The following C5orf22 variants were observed in gnomAD, a reference collection of about 807,000 sequenced individuals.
C5orf22 encodes the protein UPF0489 protein C5orf22.
In C5orf22, 36 loss-of-function variants were observed where a neutral mutation model predicts 48.7. The ratio of observed to expected loss-of-function variants is 0.74; its 90% CI spans 0.57 to 0.98. The LOEUF (loss-of-function observed/expected upper bound fraction) is 0.98. C5orf22 is among the 50% of genes least tolerant of loss of function. C5orf22 has a pLI of 0.00. For missense variants in C5orf22, 486 were observed against 521.9 expected, an observed-to-expected ratio of 0.93 and a Z score of 0.67; for synonymous variants, 141 against 180.8, an observed-to-expected ratio of 0.78 and a Z score of 1.76.
In C5orf22 at chr5:31,538,509, G is replaced by C. The variant is rs145324653; in HGVS notation, c.627G>C (p.Gln209His). 1.2e-6 allele frequency: 2 copies of C among 1,614,190 alleles called. No homozygotes were observed. The highest frequency in any genetic ancestry group is 1.7e-6 in the Non-Finnish European group (2 of 1,180,022). Residue 209 changes from glutamine (Q) to histidine (H), a missense_variant, in exon 4 of 9, where the codon CAG (glutamine) becomes CAC (histidine). Transcript: ENST00000325366. The stretch of plus-strand genomic sequence containing the variant: ...GACTGGAAAAGGACACAGCAACACA[G>C]AGAAGTGACCAGACTTGCCTAGAAC... The part of the protein sequence containing the change: ...SEGLEKDTAT[Q>H]RSDQTCLEPS...
rs773093925 is a variant in C5orf22 at position 31,532,331 on chromosome 5, C to A, written c.-62C>A. The stretch of plus-strand genomic sequence containing the variant: ...GAGAGAGCTGGCCGGGATGAGGCGC[C>A]GGCTTTCCCGGGTCTTCTCCAGCTG... On this transcript the variant is annotated 5_prime_UTR_variant, in exon 1 of 9. Transcript: ENST00000325366. 194 of 1,565,278 alleles carry A rather than the reference C, an allele frequency of 1.2e-4. No individual in the cohort carries two copies. Among genetic ancestry groups the A allele is most frequent in the Admixed American group, 8.2e-4 (49 of 59,880 alleles).
intron 4 of C5orf22, among the ~76,000 whole-genome samples, chr5:31,538,915 A>C (rs570549483): frequency 6.6e-6 from 1 of 152,338 alleles, no homozygotes; most frequent in South Asian, 2.1e-4. Flanking sequence ...GTGGATTGCC[A>C]ACTCCTGCTC....
intron 7 of C5orf22, among the ~76,000 whole-genome samples, chr5:31,549,273 T>C (rs1044822021): frequency 3.9e-5 from 6 of 152,052 alleles, no homozygotes; most frequent in Non-Finnish European, 8.8e-5. Flanking sequence ...TTCGCTATCA[T>C]GAGAACAGTG....
At chr5:31,535,037 T>C (rs1484368048) in intron 2 of C5orf22, 1 of 453,272 alleles carries the variant, frequency 2.2e-6, no homozygotes, top group African/African-American at 2.0e-5. Context: ...ATGATGAAGA[T>C]TCAGGCTTTC....
At chr5:31,544,974 ATTT>A (rs11335471) in intron 6 of C5orf22, among the ~76,000 whole-genome samples, 56 of 142,502 alleles carry the variant, frequency 3.9e-4, no homozygotes, top group African/African-American at 4.9e-4. Context: ...CGTGTCCTTA[ATTT>A]TTTTTTTTTT....
chr5:31,535,003 C>T, intron 2 of C5orf22: 1 of 454,690 alleles, frequency 2.2e-6, no homozygotes. Context: ...AGTCCATTGC[C>T]ATATGCTGTT....
At chr5:31,545,038 CTT>C (rs1742767574) in intron 6 of C5orf22, among the ~76,000 whole-genome samples, 2 of 147,484 alleles carry the variant, frequency 1.4e-5, no homozygotes, top group South Asian at 4.3e-4. Context: ...GCTAAAAACA[CTT>C]AGTTTTCTTG....
At chr5:31,550,972 T>A (rs1743219534) in intron 7 of C5orf22, among the ~76,000 whole-genome samples, 3 of 152,214 alleles carry the variant, frequency 2.0e-5, no homozygotes, top group Non-Finnish European at 4.4e-5. Flanking sequence ...AAGAGGCATC[T>A]GGCCCAGACA....
chr5:31,534,595 T>G, intron 2 of C5orf22, 178 bp downstream of exon 2: 1 of 597,092 alleles, frequency 1.7e-6, no homozygotes, highest in Non-Finnish European at 2.9e-6. Context: ...AGAGCCAGAT[T>G]AGCAAATATT....
chr5:31,533,372 A>G (rs982312321), intron 1 of C5orf22, among the ~76,000 whole-genome samples: 6 of 152,194 alleles, frequency 3.9e-5, no homozygotes, highest in African/African-American at 1.4e-4. Flanking sequence ...GTCTTAATCT[A>G]GACTTTTCCA....
chr5:31,533,386 C>T (rs1308906004), intron 1 of C5orf22, among the ~76,000 whole-genome samples: 1 of 152,022 alleles, frequency 6.6e-6, no homozygotes, highest in Non-Finnish European at 1.5e-5. Flanking sequence ...TTTTCCAAGT[C>T]AACAAAGGAG....
chr5:31,544,309 C>T (rs764986964), intron 6 of C5orf22, among the ~76,000 whole-genome samples: 1 of 152,168 alleles, frequency 6.6e-6, no homozygotes, highest in Admixed American at 6.5e-5. Flanking sequence ...TGTGGCCGGG[C>T]GCGATGGCTC....
intron 7 of C5orf22, among the ~76,000 whole-genome samples, chr5:31,548,037 C>T (rs1743004471): frequency 6.6e-6 from 1 of 152,190 alleles, no homozygotes. Flanking sequence ...CACAGTGGTT[C>T]ACGCCTATAA....
At position 31,538,332 on chromosome 5, in the gene C5orf22, A is replaced by G. The variant is rs1316128751; in HGVS notation, c.450A>G (p.Lys150=). Residue 150 remains lysine, a synonymous_variant, in exon 4 of 9, where the codon AAA becomes AAG. Coordinates refer to ENST00000325366, the MANE Select transcript of C5orf22 (RefSeq NM_018356.3). ...YVPEDQLENQ[K]PLQLDVIMVK... is the part of the protein sequence containing the mutation. ...CTGAAGACCAGCTAGAGAACCAAAA[A>G]CCTTTACAATTGGATGTAATTATGG... 1.2e-6 allele frequency: 2 copies of G among 1,613,904 alleles called. No homozygotes were observed. Among genetic ancestry groups the G allele is most frequent in the African/African-American group, 2.7e-5 (2 of 74,908 alleles).
intron 4 of C5orf22, 27 bp downstream of exon 4, chr5:31,538,716 G>C (rs1742268582): frequency 6.6e-7 from 1 of 1,520,194 alleles, no homozygotes; most frequent in Non-Finnish European, 9.0e-7. Flanking sequence ...TTAACACATA[G>C]ATCTTGAGAA....
intron 3 of C5orf22, among the ~76,000 whole-genome samples, chr5:31,536,247 G>A (rs775260855): frequency 4.6e-5 from 7 of 152,154 alleles, no homozygotes; most frequent in African/African-American, 7.2e-5. Flanking sequence ...TGAATTTGCC[G>A]CAGTGGCTCA....
At chr5:31,548,447 C>T (rs1743032356) in intron 7 of C5orf22, 1 of 346,280 alleles carries the variant, frequency 2.9e-6, no homozygotes, top group Admixed American at 3.3e-5. Flanking sequence ...AAAATGCCAC[C>T]AGTCTCTTTG....
rs1371105781 is a variant in C5orf22 at position 31,541,326 on chromosome 5, G to A, written c.916G>A (p.Asp306Asn). ...TGATACTCGAATTCATCAATTAGAG[G>A]ATTTAGAAGCCACTTTCGCTGATTT... ...IVDTRIHQLEDLEATFADLCD... is the reference protein window; with the variant it reads ...IVDTRIHQLENLEATFADLCD... Residue 306 changes from aspartate (D) to asparagine (N), a missense_variant, in exon 6 of 9, where the codon GAT becomes AAT. By Grantham distance (23) the Asp-to-Asn change is conservative. Coordinates refer to ENST00000325366, the MANE Select transcript of C5orf22 (RefSeq NM_018356.3). The A allele has an allele frequency of 6.2e-7, 1 of 1,613,086 alleles. No homozygotes were observed. Among genetic ancestry groups the A allele is most frequent in the African/African-American group, 1.3e-5 (1 of 74,872 alleles).
rs987479640 is a variant in C5orf22, at chr5:31,536,003, C to T, written c.377+110C>T. Reference sequence around the variant, plus strand: ...GCACACAAATAGGGTCAGATTAAGCCTCGACTTCTCCAAAGAGTTCTCAAA... The same window carrying T: ...GCACACAAATAGGGTCAGATTAAGCTTCGACTTCTCCAAAGAGTTCTCAAA... On this transcript the variant is annotated intron_variant, in intron 3 of 8. Coordinates refer to ENST00000325366, the MANE Select transcript of C5orf22 (RefSeq NM_018356.3). 64 of 1,032,378 alleles carry T rather than the reference C, an allele frequency of 6.2e-5. No homozygotes were observed. The Middle Eastern group carries it at 9.1e-4, about 15-fold the overall frequency. 64.0% of individuals were successfully genotyped at this position (1,032,378 alleles called of 1,614,324 possible).
Sources: gnomAD v4.1 joint callset for allele counts (sites outside exome capture counted in the v4.1 genomes callset) on GRCh38, gnomAD v4.1.1 for gene constraint, MANE v1.5 for transcripts, NCBI Gene and HGNC (gene_info 2026-07-23, HGNC 2026-07-21) for gene names.